FKBP10: variants seen among roughly 807,000 people sequenced by gnomAD.
FKBP10 encodes FKBP prolyl isomerase 10.
A neutral mutation model predicts 53.7 loss-of-function variants in FKBP10; 34 were observed. That is an observed-to-expected ratio of 0.63 (90% CI 0.48 to 0.84). The LOEUF (loss-of-function observed/expected upper bound fraction) is 0.84, where lower values mean the gene tolerates loss of function less well. Ranked by LOEUF, FKBP10 falls within the 40% of genes least tolerant of loss-of-function variation. The pLI, the probability that FKBP10 is intolerant of heterozygous loss-of-function variation, is 0.00. For synonymous variants in FKBP10, 324 were observed against 335.7 expected (o/e 0.97, Z 0.38); for missense variants, 748 against 797.8 (o/e 0.94, Z 0.75).
rs782520404 is a variant in FKBP10 at position 41,820,957 on chromosome 17, G to A, written c.1267G>A (p.Gly423Arg). Residue 423 changes from glycine (G) to arginine (R), a missense_variant, in exon 8 of 10, where the codon GGG becomes AGG. Gly to Arg is a moderately radical substitution (Grantham distance 125). Coordinates refer to ENST00000321562, the MANE Select transcript of FKBP10 (RefSeq NM_021939.4). ...TCTGCTCTCCCCCAGGCATGACTAC[G>A]GGGCCCCCCAGGAGGCGACTCTCGG... ...GTQLFTSHDY[G>R]APQEATLGAN... 1.6e-5 allele frequency: 25 copies of A among 1,611,998 alleles called. No individual in the cohort carries two copies. The highest frequency in any genetic ancestry group is 1.7e-4 in the Middle Eastern group (1 of 6,022).
In FKBP10 at chr17:41,820,384, T is replaced by C. The variant is rs939760652; in HGVS notation, c.1179T>C (p.Asn393=). The change falls in exon 7 of 10, where the codon AAT becomes AAC. Residue 393 remains asparagine (N), a synonymous_variant. Transcript: ENST00000321562. ...RTLSRPSETC[N]ETTKLGDFVR... Reference sequence around the variant, plus strand: ...TGTCCCGGCCATCTGAGACCTGCAATGAGACCACCAAGCTTGGGGACTTTG... The same window carrying C: ...TGTCCCGGCCATCTGAGACCTGCAACGAGACCACCAAGCTTGGGGACTTTG... 1.2e-6 allele frequency: 2 copies of C among 1,614,138 alleles called. No homozygotes were observed. Among genetic ancestry groups the C allele is most frequent in the African/African-American group, 1.3e-5 (1 of 75,036 alleles).
At chr17:41,815,859 G>T (rs2047809307) in intron 1 of FKBP10, among the ~76,000 whole-genome samples, 1 of 151,466 alleles carries the variant, frequency 6.6e-6, no homozygotes, top group Non-Finnish European at 1.5e-5. Flanking sequence ...TATATAATTG[G>T]CTGGGCACAG....
In FKBP10 at chr17:41,818,367, C is replaced by T. The variant is rs2047842853; in HGVS notation, c.582-15C>T. ...GCCCAGCCTGCCTCTCCCACCTCCA[C>T]CTCATTTTCTGCAGCTACAGTAAGG... On this transcript the variant is annotated splice_polypyrimidine_tract_variant and intron_variant, in intron 3 of 9. Coordinates refer to ENST00000321562, the MANE Select transcript of FKBP10 (RefSeq NM_021939.4). 1 of 1,614,210 alleles carries T rather than the reference C, an allele frequency of 6.2e-7. No individual in the cohort carries two copies. The highest frequency in any genetic ancestry group is 8.5e-7 in the Non-Finnish European group (1 of 1,180,044).
rs985466146 is a variant in FKBP10 at position 41,820,891 on chromosome 17, G to A, written c.1257-56G>A. On this transcript the variant is annotated intron_variant, in intron 7 of 9. Coordinates refer to ENST00000321562, the MANE Select transcript of FKBP10 (RefSeq NM_021939.4). ...CTGGGCCCACCTCAGAGGGAGAGGG[G>A]TGTGCGCTGGCAGGGGACAGGGTGG... 5 of 1,591,220 alleles carry A rather than the reference G, an allele frequency of 3.1e-6. No individual in the cohort carries two copies. The Admixed American group carries it at 8.8e-5, about 28-fold the overall frequency.
Position 41,818,259 on chromosome 17 carries a change from G to A in FKBP10, c.562G>A (p.Gly188Ser), listed in dbSNP as rs201861640. The change falls in exon 3 of 10, where the codon GGC becomes AGC. Residue 188 changes from glycine to serine, a missense_variant. Physicochemically the swap from Gly to Ser is moderately conservative, Grantham distance 56 (BLOSUM62 0). Transcript: ENST00000321562. ...RYHYNGTLLDGTSFDTSYSKG... is the reference protein window; with the variant it reads ...RYHYNGTLLDSTSFDTSYSKG... ...CCACTACAATGGCACCCTGCTGGAC[G>A]GCACCTCCTTCGACACCAGGTGAGG... The A allele has an allele frequency of 2.3e-5, 37 of 1,613,560 alleles. No individual in the cohort carries two copies. Among genetic ancestry groups the A allele is most frequent in the African/African-American group, 4.0e-5 (3 of 74,928 alleles).
chr17:41,823,098 T>C lies in FKBP10; in HGVS notation c.*690T>C, dbSNP rs1279521075. 1 of 149,622 alleles carries C rather than the reference T, an allele frequency of 6.7e-6. No individual in the cohort carries two copies. Among genetic ancestry groups the C allele is most frequent in the Admixed American group, 6.6e-5 (1 of 15,082 alleles). 9.3% of individuals were successfully genotyped at this position (149,622 alleles called of 1,614,324 possible). ...AAGCTGCTTGGGTGGGTGTTAGGGC[T>C]ATGAAATCTTGGATTTGGGGCTGAG... On this transcript the variant is annotated 3_prime_UTR_variant, in exon 10 of 10. Coordinates refer to ENST00000321562, the MANE Select transcript of FKBP10 (RefSeq NM_021939.4).
At chr17:41,821,875 A>G (rs1337560907) in intron 9 of FKBP10, 58 bp downstream of exon 9, 71 of 1,608,696 alleles carry the variant, frequency 4.4e-5, no homozygotes, top group Non-Finnish European at 5.9e-5. Context: ...CCCAGGAAGC[A>G]TCGAGGAAGA....
chr17:41,813,534 C>T (rs1009572425), intron 1 of FKBP10, among the ~76,000 whole-genome samples: 1 of 152,094 alleles, frequency 6.6e-6, no homozygotes, highest in African/African-American at 2.4e-5. Context: ...GGTGAACTGC[C>T]TTGTGTAGTT....
Position 41,819,665 on chromosome 17 carries a change from G to T in FKBP10, c.1053G>T (p.Glu351Asp). 1 of 1,604,668 alleles carries T rather than the reference G, an allele frequency of 6.2e-7. No individual in the cohort carries two copies. Among genetic ancestry groups the T allele is most frequent in the Non-Finnish European group, 8.5e-7 (1 of 1,175,858 alleles). The change falls in exon 6 of 10, where the codon GAG (glutamate) becomes GAT (aspartate). Residue 351 changes from glutamate to aspartate, a missense_variant. Glu to Asp is a conservative substitution (Grantham distance 45, BLOSUM62 2). Transcript: ENST00000321562. ...TCCCCCCGCACCTCGCCTATGGGGAGAATGGAACTGGTAGGGGCGTTCCCC... is the reference window on the plus strand; with the variant it reads ...TCCCCCCGCACCTCGCCTATGGGGATAATGGAACTGGTAGGGGCGTTCCCC... Reference protein sequence around the residue: ...ITIPPHLAYGENGTGDKIPGS... With the variant: ...ITIPPHLAYGDNGTGDKIPGS...
In FKBP10 at chr17:41,817,165, T is replaced by C. The variant is rs1555616205; in HGVS notation, c.353T>C (p.Ile118Thr). The change falls in exon 2 of 10, where the codon ATT becomes ACT. Residue 118 changes from isoleucine to threonine, a missense_variant. Transcript: ENST00000321562. ...TGTGTCAACGAGCGGCGACGCCTCA[T>C]TGTGCCTCCCCACCTGGGCTATGGG... ...GMCVNERRRL[I>T]VPPHLGYGSI... 1.9e-6 allele frequency: 3 copies of C among 1,613,844 alleles called. No individual in the cohort carries two copies. In the South Asian group the frequency reaches 3.3e-5, roughly 18 times the overall value.
intron 6 of FKBP10, 38 bp downstream of exon 6, chr17:41,819,713 C>A: frequency 6.3e-7 from 1 of 1,576,030 alleles, no homozygotes; most frequent in Non-Finnish European, 8.6e-7. Flanking sequence ...AGCTCCTCCT[C>A]CGAACTGCCC....
rs368957257 is a variant in FKBP10, at chr17:41,819,527, C to A, written c.918-3C>A. 1.2e-5 allele frequency: 19 copies of A among 1,613,978 alleles called. No homozygotes were observed. Among genetic ancestry groups the A allele is most frequent in the Non-Finnish European group, 1.4e-5 (16 of 1,180,018 alleles). ...TTCCTGGCCCTCCCGCCTTGTATTG[C>A]AGCTACTCCCGCAACCACACCTACA... On this transcript the variant is annotated splice_polypyrimidine_tract_variant and splice_region_variant and intron_variant, in intron 5 of 9. Transcript: ENST00000321562.
rs1555616178 is a variant in FKBP10, at chr17:41,817,093, G to C, written c.281G>C (p.Gly94Ala). 2 of 1,614,128 alleles carry C rather than the reference G, an allele frequency of 1.2e-6. No homozygotes were observed. The highest frequency in any genetic ancestry group is 1.7e-6 in the Non-Finnish European group (2 of 1,180,038). The part of the protein sequence containing the change: ...DRNTLVAIVV[G>A]VGRLITGMDR... ...AACACCTTGGTGGCCATCGTGGTGG[G>C]TGTGGGGCGCCTCATCACTGGCATG... The change falls in exon 2 of 10, where the codon GGT becomes GCT. Residue 94 changes from glycine (G) to alanine (A), a missense_variant. Gly to Ala is a moderately conservative substitution (Grantham distance 60, BLOSUM62 0). Coordinates refer to ENST00000321562, the MANE Select transcript of FKBP10 (RefSeq NM_021939.4).
rs1488998724 is a variant in FKBP10 at position 41,822,550 on chromosome 17, T to A, written c.*142T>A. 2.3e-5 allele frequency: 20 copies of A among 883,436 alleles called. No homozygotes were observed. The Admixed American group carries it at 3.0e-4, about 13-fold the overall frequency. 54.7% of individuals were successfully genotyped at this position (883,436 alleles called of 1,614,324 possible). ...AACTAAAACAATGGCAGAGGAGACA[T>A]CTCTGGTGTTCCCACCACCCTAGAT... is the stretch of plus-strand genomic sequence containing the variant. On this transcript the variant is annotated 3_prime_UTR_variant, in exon 10 of 10. Transcript: ENST00000321562.
intron 8 of FKBP10, 21 bp from the exon 9 acceptor site, chr17:41,821,633 T>C (rs782600708): frequency 1.3e-5 from 21 of 1,613,108 alleles, no homozygotes; most frequent in Admixed American, 1.7e-5. Flanking sequence ...ACCCCTCCCT[T>C]CTCTCCTGCC....
At chr17:41,819,922 G>A in intron 6 of FKBP10, 1 of 1,539,592 alleles carries the variant, frequency 6.5e-7, no homozygotes, top group Non-Finnish European at 8.8e-7. Context: ...GGGAGGGAGG[G>A]TGGTTATGGA....
chr17:41,821,880 G>A, intron 9 of FKBP10, 63 bp downstream of exon 9: 2 of 1,603,628 alleles, frequency 1.2e-6, no homozygotes, highest in South Asian at 2.2e-5. Context: ...GAAGCATCGA[G>A]GAAGAAGACG....
At position 41,820,928 on chromosome 17, in the gene FKBP10, G is replaced by A. The variant is rs782784520; in HGVS notation, c.1257-19G>A. On this transcript the variant is annotated intron_variant, in intron 7 of 9. Coordinates refer to ENST00000321562, the MANE Select transcript of FKBP10 (RefSeq NM_021939.4). ...AGGGGACAGGGTGGCTGCTGACCTG[G>A]GCATCTGCTCTCCCCCAGGCATGAC... 6.2e-7 allele frequency: 1 copy of A among 1,609,718 alleles called. No homozygotes were observed. The highest frequency in any genetic ancestry group is 1.3e-5 in the African/African-American group (1 of 74,946).
chr17:41,816,932 T>C, intron 1 of FKBP10, 126 bp from the exon 2 acceptor site: 1 of 1,390,298 alleles, frequency 7.2e-7, no homozygotes, highest in Non-Finnish European at 1.0e-6. Context: ...TGTGTGCGTA[T>C]CCACACCTGG....
Sources: allele counts gnomAD v4.1 joint callset (sites outside exome capture counted in the v4.1 genomes callset), GRCh38; gene constraint gnomAD v4.1.1; transcripts MANE v1.5; gene names NCBI Gene and HGNC (gene_info 2026-07-23, HGNC 2026-07-21).